ARHGAP32: variants seen among roughly 807,000 people sequenced by gnomAD.
ARHGAP32 encodes the protein Rho GTPase activating protein 32.
Under a neutral mutation model 186.5 loss-of-function variants are expected in ARHGAP32, and 51 were observed. That is an observed-to-expected ratio of 0.27 (90% CI 0.22 to 0.35). The LOEUF is 0.35. ARHGAP32 is among the 10% of genes least tolerant of loss of function. The probability of loss-of-function intolerance (pLI) is 1.00; values close to 1 mark genes in which losing one functional copy is unlikely to be tolerated. For synonymous variants in ARHGAP32, 950 were observed against 964.3 expected (o/e 0.99, Z 0.27); for missense variants, 2,186 against 2,623.5 (o/e 0.83, Z 3.64).
chr11:129,179,666 T>C lies in ARHGAP32; in HGVS notation c.116+12417A>G, dbSNP rs1023739148. On this transcript the variant is annotated intron_variant, in intron 1 of 22. Coordinates refer to ENST00000682385, the MANE Select transcript of ARHGAP32 (RefSeq NM_001378024.1). ...GTAGGGACATGGATGAAATTGGAAA[T>C]CATCATTCTCAGTAAACTATCTCAA... Among the ~76,000 whole-genome samples the C allele has an allele frequency of 1.6e-4, 24 of 151,882 alleles. 1 individual carries two copies. Among genetic ancestry groups the C allele is most frequent in the Admixed American group, 1.5e-3 (23 of 15,228 alleles).
At chr11:129,129,680 A>AT (rs1942768026) in intron 2 of ARHGAP32, among the ~76,000 whole-genome samples, 1 of 152,302 alleles carries the variant, frequency 6.6e-6, no homozygotes, top group African/African-American at 2.4e-5. Context: ...CCAAAAATAT[A>AT]TATATATATT....
In ARHGAP32 at chr11:129,172,974, A is replaced by G. The variant is rs568265222; in HGVS notation, c.117-8547T>C. On this transcript the variant is annotated intron_variant, in intron 1 of 22. Coordinates refer to ENST00000682385, the MANE Select transcript of ARHGAP32 (RefSeq NM_001378024.1). ...AAGAAATGAAGGAGATAGAGACATG[A>G]AAAACCCTCCAAAAAGAAAAAAAAA... Among the ~76,000 whole-genome samples, 3 of 142,366 alleles carry G rather than the reference A, an allele frequency of 2.1e-5. No homozygotes were observed. The East Asian group carries it at 6.1e-4, about 29-fold the overall frequency. The allele number at this position is 142,366 out of a possible 152,430, so 93.4% of individuals were successfully genotyped here. A position where few individuals can be genotyped will look rare whatever the true frequency, so the allele number is the denominator to read the frequency against.
chr11:129,182,805 G>A (rs1944084214), intron 1 of ARHGAP32, among the ~76,000 whole-genome samples: 1 of 151,830 alleles, frequency 6.6e-6, no homozygotes, highest in Non-Finnish European at 1.5e-5. Flanking sequence ...CACCATGCCA[G>A]GCTAAGTTTT....
intron 2 of ARHGAP32, among the ~76,000 whole-genome samples, chr11:129,144,997 A>T (rs1179467656): frequency 2.0e-5 from 3 of 152,184 alleles, no homozygotes; most frequent in Admixed American, 6.5e-5. Flanking sequence ...ACACATTTAC[A>T]TATTAGCAAA....
chr11:129,174,465 C>G (rs886725590), intron 1 of ARHGAP32, among the ~76,000 whole-genome samples: 1 of 152,196 alleles, frequency 6.6e-6, no homozygotes, highest in East Asian at 1.9e-4. Context: ...CTGCCTGCCT[C>G]TGTAGGCTCC....
chr11:129,212,974 ATTAAT>A (rs781253374), intron 1 of ARHGAP32, among the ~76,000 whole-genome samples: 14 of 151,962 alleles, frequency 9.2e-5, no homozygotes, highest in Non-Finnish European at 1.6e-4. Context: ...ACCAAACATG[ATTAAT>A]TTGAGTCTCA....
At chr11:129,216,902 G>T (rs989914283) in intron 1 of ARHGAP32, among the ~76,000 whole-genome samples, 54 of 151,778 alleles carry the variant, frequency 3.6e-4, no homozygotes, top group African/African-American at 1.1e-3. Flanking sequence ...GAAATTTACT[G>T]AAGTTTTTTT....
chr11:128,986,715 C>G lies in ARHGAP32; in HGVS notation c.1299-47G>C, dbSNP rs553100685. ...AAGCAAATCATTTGATTGAGGAGAGCAAATATGTGTCTTAAAAACAGAAAG... is the reference window on the plus strand; with the variant it reads ...AAGCAAATCATTTGATTGAGGAGAGGAAATATGTGTCTTAAAAACAGAAAG... On this transcript the variant is annotated intron_variant, in intron 13 of 22. Transcript: ENST00000682385. The G allele has an allele frequency of 3.2e-6, 5 of 1,586,654 alleles. No individual in the cohort carries two copies. In the African/African-American group the frequency reaches 6.7e-5, roughly 21 times the overall value.
chr11:129,278,432 G>A (rs1313031000), intron 1 of ARHGAP32, among the ~76,000 whole-genome samples: 2 of 152,114 alleles, frequency 1.3e-5, no homozygotes, highest in African/African-American at 4.8e-5. Flanking sequence ...GCTACAAAAG[G>A]TCCAAGGTAG....
chr11:129,129,315 T>A (rs543331898), intron 2 of ARHGAP32, among the ~76,000 whole-genome samples: 1 of 118,364 alleles, frequency 8.4e-6, no homozygotes, highest in Non-Finnish European at 1.8e-5. Context: ...GCCCGGCAGC[T>A]GCCCCGTCTG....
chr11:129,004,377 A>G (rs1937653904), intron 11 of ARHGAP32, among the ~76,000 whole-genome samples: 1 of 150,930 alleles, frequency 6.6e-6, no homozygotes, highest in South Asian at 2.1e-4. Context: ...TCCTGTAAAT[A>G]TTTATTAGGT....
intron 11 of ARHGAP32, among the ~76,000 whole-genome samples, chr11:129,038,888 G>GAA (rs56810685): frequency 6.5e-5 from 6 of 92,160 alleles, no homozygotes; most frequent in African/African-American, 8.6e-5. Context: ...ACCCTGTCTC[G>GAA]AAAAAAAAAA....
chr11:129,197,272 C>T (rs73019180), upstream of ARHGAP32, among the ~76,000 whole-genome samples: 1,175 of 152,174 alleles, frequency 7.7e-3, 12 homozygotes, highest in Non-Finnish European at 0.011. Context: ...ATCCAATACC[C>T]GTTATCTACA....
intron 11 of ARHGAP32, among the ~76,000 whole-genome samples, chr11:129,008,234 G>A (rs1196061806): frequency 7.9e-5 from 12 of 152,066 alleles, no homozygotes; most frequent in Admixed American, 6.6e-4. Flanking sequence ...TTTTTTATGC[G>A]TATAGTTGTG....
At chr11:129,018,363 A>G (rs567111084) in intron 11 of ARHGAP32, among the ~76,000 whole-genome samples, 1 of 152,334 alleles carries the variant, frequency 6.6e-6, no homozygotes, top group East Asian at 1.9e-4. Context: ...GAATGGAAAA[A>G]CAACAATAGG....
chr11:129,244,489 C>G (rs1017631635), intron 1 of ARHGAP32, among the ~76,000 whole-genome samples: 1 of 151,960 alleles, frequency 6.6e-6, no homozygotes, highest in Non-Finnish European at 1.5e-5. Context: ...CAATAATGTA[C>G]GAAGGTAGAA....
intron 2 of ARHGAP32, among the ~76,000 whole-genome samples, chr11:129,128,650 A>G (rs532026192): frequency 1.6e-4 from 22 of 135,946 alleles, no homozygotes; most frequent in Admixed American, 1.5e-3. Context: ...GCTGGACTGT[A>G]CTGCCGCCAT....
intron 21 of ARHGAP32, 100 bp downstream of exon 21, chr11:128,974,024 G>C (rs918735674): frequency 3.3e-5 from 46 of 1,378,594 alleles, no homozygotes; most frequent in Non-Finnish European, 4.4e-5. Context: ...TTGATTAAAG[G>C]CTAGCTGTGG....
chr11:129,249,555 T>C (rs1945151129), intron 1 of ARHGAP32, among the ~76,000 whole-genome samples: 1 of 152,114 alleles, frequency 6.6e-6, no homozygotes, highest in South Asian at 2.1e-4. Flanking sequence ...ATTAAAGCGG[T>C]TTCCCAAAGT....
Sources: gnomAD v4.1 joint callset for allele counts (sites outside exome capture counted in the v4.1 genomes callset) on GRCh38, gnomAD v4.1.1 for gene constraint, MANE v1.5 for transcripts, NCBI Gene and HGNC (gene_info 2026-07-23, HGNC 2026-07-21) for gene names.